The following SMOC2 variants were observed in gnomAD, a reference collection of about 807,000 sequenced individuals.
The protein encoded by SMOC2 is SPARC-related modular calcium-binding protein 2.
Under a neutral mutation model 61.4 loss-of-function variants are expected in SMOC2, and 39 were observed. The observed-to-expected ratio is 0.64, with a 90% CI of 0.49 to 0.83. The LOEUF is 0.83. SMOC2 is among the 40% of genes least tolerant of loss of function. The pLI is 0.00. For synonymous variants in SMOC2, 247 were observed against 239.9 expected, an observed-to-expected ratio of 1.03 and a Z score of -0.27; for missense variants, 556 against 592.9, an observed-to-expected ratio of 0.94 and a Z score of 0.65.
chr6:168,599,258 CCA>C (rs1416662979), intron 8 of SMOC2, among the ~76,000 whole-genome samples: 1 of 131,200 alleles, frequency 7.6e-6, no homozygotes, highest in Non-Finnish European at 1.6e-5. Flanking sequence ...ACACACATAC[CCA>C]CACACACCCA....
rs9364260 is a variant in SMOC2 at position 168,544,378 on chromosome 6, G to T, written c.511+706G>T. Among the ~76,000 whole-genome samples the T allele has an allele frequency of 0.025, 3,774 of 152,300 alleles. 81 individuals carry two copies. Among genetic ancestry groups the T allele is most frequent in the African/African-American group, 0.054 (2,246 of 41,560 alleles). On this transcript the variant is annotated intron_variant, in intron 5 of 12. Transcript: ENST00000356284. This position sits in a 1 kb window ranked among gnomAD's most constrained non-coding sequence, Gnocchi z 4.1. The stretch of plus-strand genomic sequence containing the variant: ...AAATTTTAGGTACTTTTCTTTTCTA[G>T]TGTAGGTTACAGTGTAATGAACCAG...
chr6:168,609,523 C>T (rs770316771), intron 9 of SMOC2, among the ~76,000 whole-genome samples: 13 of 152,116 alleles, frequency 8.5e-5, no homozygotes, highest in East Asian at 1.9e-4. Context: ...CCTTTGACCC[C>T]GTGTCTGCAG....
At chr6:168,600,904 G>T (rs1472808740) in intron 8 of SMOC2, among the ~76,000 whole-genome samples, 2 of 152,208 alleles carry the variant, frequency 1.3e-5, no homozygotes, top group Non-Finnish European at 2.9e-5. Flanking sequence ...AGCTCCTGAA[G>T]AACAAGAGCT....
At chr6:168,610,338 A>G (rs9364265) in intron 9 of SMOC2, among the ~76,000 whole-genome samples, 136,702 of 152,256 alleles carry the variant, frequency 0.9, 61,452 homozygotes, top group Middle Eastern at 0.98. Flanking sequence ...TGCTGTTGCC[A>G]TAGATGTTTG....
chr6:168,625,606 G>A (rs1018757874), intron 9 of SMOC2, among the ~76,000 whole-genome samples: 4 of 152,174 alleles, frequency 2.6e-5, no homozygotes, highest in African/African-American at 7.2e-5. Flanking sequence ...CTAGGCCTCC[G>A]TCTTCTGCCA....
intron 7 of SMOC2, among the ~76,000 whole-genome samples, chr6:168,595,588 T>A (rs4708755): frequency 6.6e-6 from 1 of 151,826 alleles, no homozygotes; most frequent in African/African-American, 2.4e-5. Context: ...ATCTTCTGCC[T>A]CCACTGTGGC....
chr6:168,563,575 T>C (rs1281452788), intron 7 of SMOC2, among the ~76,000 whole-genome samples: 2 of 152,060 alleles, frequency 1.3e-5, no homozygotes, highest in Non-Finnish European at 1.5e-5. Context: ...CCCAGGGTGA[T>C]GGTGTTAGGG....
At position 168,527,747 on chromosome 6, in the gene SMOC2, C is replaced by G. The variant is rs1326243116; in HGVS notation, c.463+20C>G. The G allele has an allele frequency of 6.7e-7, 1 of 1,495,450 alleles. No individual in the cohort carries two copies. Among genetic ancestry groups the G allele is most frequent in the African/African-American group, 1.4e-5 (1 of 71,950 alleles). The allele number at this position is 1,495,450 out of a possible 1,614,324, so 92.6% of individuals were successfully genotyped here. A position where few individuals can be genotyped will look rare whatever the true frequency, so the allele number is the denominator to read the frequency against. ...GCCCGGGTAGGTCTGACGTGCCTTT[C>G]CAAGTGGAAGGCTTGAAGGGAATTG... On this transcript the variant is annotated intron_variant, in intron 4 of 12. Coordinates refer to ENST00000356284, the MANE Select transcript of SMOC2 (RefSeq NM_001166412.2).
intron 1 of SMOC2, among the ~76,000 whole-genome samples, chr6:168,467,463 C>T (rs1411864030): frequency 2.0e-5 from 3 of 152,134 alleles, no homozygotes; most frequent in African/African-American, 7.2e-5. Context: ...CACACCACCA[C>T]ACCCGGCTAA....
At chr6:168,537,243 G>A (rs540944825) in intron 4 of SMOC2, among the ~76,000 whole-genome samples, 5 of 150,662 alleles carry the variant, frequency 3.3e-5, no homozygotes, top group African/African-American at 5.0e-5. Context: ...AGCAGTGTCT[G>A]TCCTAATACA....
At chr6:168,648,312 G>A (rs1361068420) in intron 9 of SMOC2, among the ~76,000 whole-genome samples, 3 of 152,356 alleles carry the variant, frequency 2.0e-5, no homozygotes, top group East Asian at 3.9e-4. Context: ...CACCTGCCCC[G>A]GCGCCTGTCT....
chr6:168,566,517 C>T (rs1266067499), intron 7 of SMOC2, among the ~76,000 whole-genome samples: 3 of 127,114 alleles, frequency 2.4e-5, no homozygotes, highest in African/African-American at 9.0e-5. Flanking sequence ...GAGTCTTGCT[C>T]TGTTGCCCAG....
intron 7 of SMOC2, among the ~76,000 whole-genome samples, chr6:168,585,022 A>G (rs1785017583): frequency 6.6e-6 from 1 of 152,166 alleles, no homozygotes; most frequent in Non-Finnish European, 1.5e-5. Flanking sequence ...CAGTGGTGTG[A>G]TCACAGCTCA....
At chr6:168,459,835 C>T (rs149395925) in intron 1 of SMOC2, among the ~76,000 whole-genome samples, 5 of 105,330 alleles carry the variant, frequency 4.7e-5, no homozygotes, top group East Asian at 3.1e-4. Context: ...GTGGGTGAGC[C>T]GGGGTGGTGA....
chr6:168,503,412 T>TA (rs1782783758), intron 1 of SMOC2, among the ~76,000 whole-genome samples: 1 of 152,080 alleles, frequency 6.6e-6, no homozygotes, highest in Admixed American at 6.5e-5. Context: ...AGAGAGCACT[T>TA]ACGTCACGTC....
At chr6:168,621,700 T>A (rs1208909548) in intron 9 of SMOC2, among the ~76,000 whole-genome samples, 2 of 121,198 alleles carry the variant, frequency 1.7e-5, no homozygotes, top group Non-Finnish European at 3.5e-5. Context: ...CAGATGTTTA[T>A]AAAACCATCA....
At chr6:168,536,515 C>G (rs1320835831) in intron 4 of SMOC2, among the ~76,000 whole-genome samples, 4 of 152,116 alleles carry the variant, frequency 2.6e-5, no homozygotes, top group Admixed American at 1.3e-4. Flanking sequence ...GACCCAGGGC[C>G]TCCCTGGGAT....
chr6:168,494,351 C>A (rs1473586069), intron 1 of SMOC2, among the ~76,000 whole-genome samples: 1 of 152,196 alleles, frequency 6.6e-6, no homozygotes, highest in Non-Finnish European at 1.5e-5. Flanking sequence ...CAGACACGCA[C>A]CTAATGCGCA....
intron 1 of SMOC2, among the ~76,000 whole-genome samples, chr6:168,501,704 C>A (rs921834854): frequency 6.6e-6 from 1 of 152,254 alleles, no homozygotes; most frequent in Non-Finnish European, 1.5e-5. Context: ...GAAACAACCA[C>A]GGCCTCAGGG....
Sources: allele counts gnomAD v4.1 joint callset (sites outside exome capture counted in the v4.1 genomes callset), GRCh38; gene constraint gnomAD v4.1.1; non-coding constraint Gnocchi (gnomAD v3.1); transcripts MANE v1.5; gene names NCBI Gene and HGNC (gene_info 2026-07-23, HGNC 2026-07-21).